Variants in ANO4 observed in about 807,000 individuals in gnomAD.
ANO4 encodes anoctamin-4.
Under a neutral mutation model 141.9 loss-of-function variants are expected in ANO4, and 69 were observed. That is an observed-to-expected ratio of 0.49 (90% CI 0.40 to 0.59). The LOEUF (loss-of-function observed/expected upper bound fraction) is 0.59, where lower values mean the gene tolerates loss of function less well. ANO4 is among the 20% of genes least tolerant of loss of function. The pLI, the probability that ANO4 is intolerant of heterozygous loss-of-function variation, is 0.00. For synonymous variants in ANO4, 350 were observed against 394.3 expected (o/e 0.89, Z 1.33); for missense variants, 894 against 1,162.2 (o/e 0.77, Z 3.36).
At chr12:101,081,151 C>T (rs2049262395) in intron 15 of ANO4, among the ~76,000 whole-genome samples, 1 of 151,632 alleles carries the variant, frequency 6.6e-6, no homozygotes, top group Non-Finnish European at 1.5e-5. Flanking sequence ...TGGTGCCATT[C>T]TGCTGTTTCT....
chr12:101,008,873 T>A (rs553663759), intron 8 of ANO4, among the ~76,000 whole-genome samples: 2 of 152,294 alleles, frequency 1.3e-5, no homozygotes, highest in Non-Finnish European at 2.9e-5. Flanking sequence ...TAAATTATCA[T>A]CTTGGTATCT....
chr12:101,005,218 G>A (rs561524608), intron 8 of ANO4, among the ~76,000 whole-genome samples: 91 of 152,262 alleles, frequency 6.0e-4, no homozygotes, highest in Non-Finnish European at 9.6e-4. Context: ...TTAGTGGAAC[G>A]CTGAGAGCTT....
At chr12:101,023,292 G>A (rs1424117695) in intron 9 of ANO4, among the ~76,000 whole-genome samples, 1 of 152,200 alleles carries the variant, frequency 6.6e-6, no homozygotes, top group Non-Finnish European at 1.5e-5. Flanking sequence ...GTGTAGTATT[G>A]TTGCTAGTCA....
intron 8 of ANO4, among the ~76,000 whole-genome samples, chr12:101,016,474 A>G (rs1171197160): frequency 6.6e-6 from 1 of 151,744 alleles, no homozygotes; most frequent in African/African-American, 2.4e-5. Flanking sequence ...TGAACCAAAC[A>G]CCTCCCACCA....
chr12:101,123,095 A>G (rs1413951349), intron 26 of ANO4, among the ~76,000 whole-genome samples: 1 of 152,196 alleles, frequency 6.6e-6, no homozygotes, highest in Non-Finnish European at 1.5e-5. Flanking sequence ...AATAAAAGCC[A>G]AGGTTGCCTC....
At chr12:100,857,310 TA>T (rs547649002) in intron 1 of ANO4, among the ~76,000 whole-genome samples, 111 of 152,264 alleles carry the variant, frequency 7.3e-4, no homozygotes, top group Non-Finnish European at 1.1e-3. Context: ...CAGAATCAGA[TA>T]TTTTTTTGGA....
At chr12:100,937,845 T>C (rs1289308882) in intron 3 of ANO4, among the ~76,000 whole-genome samples, 1 of 152,170 alleles carries the variant, frequency 6.6e-6, no homozygotes, top group African/African-American at 2.4e-5. Flanking sequence ...GCCAGCAGCA[T>C]AGCATCTTCC....
In ANO4 at chr12:100,894,537, G is replaced by T. The variant is rs1269357119; in HGVS notation, c.-140-7109G>T. Among the ~76,000 whole-genome samples, 8 of 152,110 alleles carry T rather than the reference G, an allele frequency of 5.3e-5. No individual in the cohort carries two copies. The South Asian group carries it at 1.7e-3, about 32-fold the overall frequency. On this transcript the variant is annotated intron_variant, in intron 1 of 27. Transcript: ENST00000392977. ...GCTTAACTAAGATAGCACAAATTCT[G>T]CCCCCTCTTATGGGAACATACCTAA... is the stretch of plus-strand genomic sequence containing the variant.
At chr12:100,878,968 A>G (rs2039441474) in intron 1 of ANO4, among the ~76,000 whole-genome samples, 1 of 152,160 alleles carries the variant, frequency 6.6e-6, no homozygotes, top group Non-Finnish European at 1.5e-5. Flanking sequence ...ACCCCTGGGA[A>G]GGTGTTTTAT....
chr12:100,827,803 C>A (rs751487573), intron 1 of ANO4, among the ~76,000 whole-genome samples: 1 of 151,924 alleles, frequency 6.6e-6, no homozygotes, highest in Non-Finnish European at 1.5e-5. Context: ...GATGCAGAGG[C>A]CTTTAGCTGA....
intron 5 of ANO4, among the ~76,000 whole-genome samples, chr12:100,944,854 G>A (rs1400713141): frequency 6.6e-6 from 1 of 152,148 alleles, no homozygotes; most frequent in Non-Finnish European, 1.5e-5. Context: ...CTCATAATAA[G>A]TGGCAGAATT....
chr12:100,990,209 A>C (rs1566097487), intron 8 of ANO4, among the ~76,000 whole-genome samples: 1 of 152,188 alleles, frequency 6.6e-6, no homozygotes, highest in Non-Finnish European at 1.5e-5. Context: ...ATGGATGGAT[A>C]AATTAGTGAA....
chr12:100,772,901 C>T (rs558923371), intron 3 of ANO4, among the ~76,000 whole-genome samples: 4 of 152,290 alleles, frequency 2.6e-5, no homozygotes, highest in Admixed American at 6.5e-5. Flanking sequence ...AACAAAAGAA[C>T]GTGAATGTTG....
intron 7 of ANO4, among the ~76,000 whole-genome samples, chr12:100,982,552 C>T (rs2044518101): frequency 6.6e-6 from 1 of 152,222 alleles, no homozygotes; most frequent in Non-Finnish European, 1.5e-5. Context: ...TCATTATTGT[C>T]ACCATAATTT....
chr12:100,744,319 C>A (rs10745893), intron 3 of ANO4, among the ~76,000 whole-genome samples: 68,718 of 151,946 alleles, frequency 0.45, 16,361 homozygotes, highest in East Asian at 0.81. Flanking sequence ...ACAAACGTTT[C>A]TTTCTCACAG....
At chr12:100,855,991 A>G (rs1447588019) in intron 1 of ANO4, among the ~76,000 whole-genome samples, 1 of 152,192 alleles carries the variant, frequency 6.6e-6, no homozygotes, top group African/African-American at 2.4e-5. Flanking sequence ...TATTTCAGCC[A>G]GGGATAGAGG....
intron 14 of ANO4, among the ~76,000 whole-genome samples, chr12:101,062,486 C>A (rs984846218): frequency 1.4e-4 from 22 of 152,182 alleles, no homozygotes; most frequent in African/African-American, 5.1e-4. Flanking sequence ...GCCCCGACAG[C>A]CACTGCTTCC....
chr12:101,066,607 CT>C, intron 14 of ANO4: 1 of 507,008 alleles, frequency 2.0e-6, no homozygotes, highest in African/African-American at 1.9e-5. Flanking sequence ...ATGGAAGAGG[CT>C]TTTTCTAGAG....
At chr12:101,081,114 G>A (rs1045144210) in intron 15 of ANO4, among the ~76,000 whole-genome samples, 7 of 150,996 alleles carry the variant, frequency 4.6e-5, no homozygotes, top group Admixed American at 1.3e-4. Context: ...GGTAGCAGCC[G>A]GACTGCATTC....
Sources: allele counts gnomAD v4.1 joint callset (sites outside exome capture counted in the v4.1 genomes callset), GRCh38; gene constraint gnomAD v4.1.1; transcripts MANE v1.5; gene names NCBI Gene and HGNC (gene_info 2026-07-23, HGNC 2026-07-21).